PRKG1: variants seen among roughly 807,000 people sequenced by gnomAD.
The protein encoded by PRKG1 is protein kinase cGMP-dependent 1.
A neutral mutation model predicts 88.1 loss-of-function variants in PRKG1; 35 were observed. The observed-to-expected ratio is 0.40, with a 90% CI of 0.30 to 0.53. PRKG1 has a LOEUF of 0.53. PRKG1 is among the 20% of genes least tolerant of loss of function. The pLI is 0.59. For synonymous variants in PRKG1, 303 were observed against 292.5 expected, an observed-to-expected ratio of 1.04 and a Z score of -0.37; for missense variants, 540 against 839.8, an observed-to-expected ratio of 0.64 and a Z score of 4.41.
At chr10:52,275,970 AT>A (rs1318839410) in intron 12 of PRKG1, among the ~76,000 whole-genome samples, 3 of 152,034 alleles carry the variant, frequency 2.0e-5, no homozygotes, top group Admixed American at 2.0e-4. Context: ...TGAGTTCTTG[AT>A]TTGATTCTCC....
chr10:51,037,213 C>G (rs1354394560), intron 1 of PRKG1, among the ~76,000 whole-genome samples: 1 of 151,406 alleles, frequency 6.6e-6, no homozygotes, highest in Non-Finnish European at 1.5e-5. Context: ...TTTGGGAGGC[C>G]GAGGCAGGAG....
At chr10:51,053,507 G>C (rs1418533325) in intron 1 of PRKG1, among the ~76,000 whole-genome samples, 1 of 152,120 alleles carries the variant, frequency 6.6e-6, no homozygotes, top group East Asian at 1.9e-4. Context: ...GGCCATTCCT[G>C]TCCTCAGAGG....
intron 5 of PRKG1, among the ~76,000 whole-genome samples, chr10:51,915,751 T>G (rs897939927): frequency 6.6e-6 from 1 of 152,158 alleles, no homozygotes; most frequent in Admixed American, 6.5e-5. Context: ...CACTTACAGC[T>G]TAATAATAAA....
chr10:51,735,143 C>A (rs75246677), intron 3 of PRKG1, among the ~76,000 whole-genome samples: 1 of 152,142 alleles, frequency 6.6e-6, no homozygotes, highest in Non-Finnish European at 1.5e-5. Flanking sequence ...ATGGAAACCA[C>A]GCAAAAACAA....
chr10:51,868,300 A>G (rs1036830511), intron 4 of PRKG1, among the ~76,000 whole-genome samples: 21 of 152,258 alleles, frequency 1.4e-4, no homozygotes, highest in Middle Eastern at 3.4e-3. Flanking sequence ...CGCCAACTAG[A>G]GCAGAGGGCA....
intron 3 of PRKG1, chr10:51,698,290 A>T: frequency 6.2e-7 from 1 of 1,614,020 alleles, no homozygotes; most frequent in Non-Finnish European, 8.5e-7. Context: ...CCATGGCACG[A>T]GTCTCCATCG....
intron 2 of PRKG1, chr10:51,320,721 C>T (rs1296011596): frequency 6.6e-6 from 1 of 152,218 alleles, no homozygotes. Flanking sequence ...TCCTTTCTTG[C>T]TCTGTCTCTC....
At chr10:51,107,472 T>C (rs1300231301) in intron 1 of PRKG1, among the ~76,000 whole-genome samples, 4 of 152,008 alleles carry the variant, frequency 2.6e-5, no homozygotes, top group African/African-American at 9.7e-5. Flanking sequence ...TAGAAATTGA[T>C]GTAATAGAAA....
At position 51,467,617 on chromosome 10, in the gene PRKG1, A is replaced by G. The variant is rs759120353; in HGVS notation, c.479-106A>G. ...CGTGGTGACTTTGTTTTAATTGGTA[A>G]CTGCATTTTTACAAATGAGCCTAAC... On this transcript the variant is annotated intron_variant, in intron 2 of 17. Coordinates refer to ENST00000373980, the MANE Select transcript of PRKG1 (RefSeq NM_006258.4). 271 of 798,204 alleles carry G rather than the reference A, an allele frequency of 3.4e-4. 1 individual carries two copies. In the Middle Eastern group the frequency reaches 9.7e-3, roughly 29 times the overall value. 49.4% of individuals were successfully genotyped at this position (798,204 alleles called of 1,614,324 possible). A position where few individuals can be genotyped will look rare whatever the true frequency, so the allele number is the denominator to read the frequency against.
intron 4 of PRKG1, among the ~76,000 whole-genome samples, chr10:51,885,188 A>G (rs1285210996): frequency 2.6e-5 from 4 of 152,206 alleles, no homozygotes; most frequent in Admixed American, 1.3e-4. Flanking sequence ...ATGTTAACCT[A>G]GGTAAAACAC....
intron 5 of PRKG1, among the ~76,000 whole-genome samples, chr10:51,959,413 G>A (rs932560598): frequency 3.9e-5 from 6 of 152,096 alleles, no homozygotes; most frequent in Non-Finnish European, 8.8e-5. Context: ...TAATAATATT[G>A]AGTACTGCTG....
intron 1 of PRKG1, among the ~76,000 whole-genome samples, chr10:51,003,115 A>G (rs964689548): frequency 6.6e-6 from 1 of 152,180 alleles, no homozygotes; most frequent in African/African-American, 2.4e-5. Context: ...GCCAGAGAGA[A>G]CCAAGGGTAG....
intron 2 of PRKG1, among the ~76,000 whole-genome samples, chr10:51,391,671 T>G (rs1295340368): frequency 2.0e-5 from 3 of 152,226 alleles, no homozygotes; most frequent in African/African-American, 7.2e-5. Flanking sequence ...GGGCCAACTT[T>G]GTTCCGTTGT....
chr10:51,892,102 G>A (rs1211440655), intron 4 of PRKG1, among the ~76,000 whole-genome samples: 1 of 152,124 alleles, frequency 6.6e-6, no homozygotes, highest in African/African-American at 2.4e-5. Context: ...CTAAACCAAA[G>A]TTTCCAAACT....
At chr10:51,209,576 T>G (rs76977912) in intron 2 of PRKG1, among the ~76,000 whole-genome samples, 2,803 of 152,286 alleles carry the variant, frequency 0.018, 41 homozygotes, top group Middle Eastern at 0.051. Context: ...TTAAAACTAT[T>G]TTTAGTACTT....
intron 2 of PRKG1, among the ~76,000 whole-genome samples, chr10:51,276,911 T>C (rs10761997): frequency 0.22 from 33,151 of 152,042 alleles, 3,778 homozygotes; most frequent in Admixed American, 0.35. Context: ...TTCTGTAGGT[T>C]GCCTGTTCAC....
At chr10:51,412,104 C>T (rs571018260) in intron 2 of PRKG1, among the ~76,000 whole-genome samples, 2 of 151,408 alleles carry the variant, frequency 1.3e-5, no homozygotes, top group East Asian at 2.0e-4. Flanking sequence ...TACTCCCATA[C>T]ATGGATTCTA....
At chr10:52,179,617 T>A (rs1263498479) in intron 9 of PRKG1, among the ~76,000 whole-genome samples, 1 of 152,210 alleles carries the variant, frequency 6.6e-6, no homozygotes, top group East Asian at 1.9e-4. Flanking sequence ...GCTTCCTAGA[T>A]CTGGATGTCT....
intron 2 of PRKG1, among the ~76,000 whole-genome samples, chr10:51,351,105 T>C (rs1371688904): frequency 1.3e-5 from 2 of 152,232 alleles, no homozygotes; most frequent in African/African-American, 2.4e-5. Flanking sequence ...CTTTTATGGC[T>C]GCATAGTATT....
Sources: allele counts gnomAD v4.1 joint callset (sites outside exome capture counted in the v4.1 genomes callset), GRCh38; gene constraint gnomAD v4.1.1; transcripts MANE v1.5; gene names NCBI Gene and HGNC (gene_info 2026-07-23, HGNC 2026-07-21).